The following SGCZ variants were observed in gnomAD, a reference collection of about 807,000 sequenced individuals.
SGCZ encodes the protein zeta-sarcoglycan.
A neutral mutation model predicts 41.3 loss-of-function variants in SGCZ; 40 were observed. The ratio of observed to expected loss-of-function variants is 0.97; its 90% CI spans 0.75 to 1.26. The LOEUF is 1.26. Ranked by LOEUF, SGCZ falls within the 50% of genes most tolerant of loss-of-function variation. The pLI, the probability that SGCZ is intolerant of heterozygous loss-of-function variation, is 0.00. For missense variants in SGCZ, 552 were observed against 369.8 expected (o/e 1.49, Z -4.04); for synonymous variants, 206 against 137.5 (o/e 1.50, Z -3.49).
At chr8:14,990,453 C>T (rs186740023) in intron 1 of SGCZ, among the ~76,000 whole-genome samples, 1 of 152,208 alleles carries the variant, frequency 6.6e-6, no homozygotes, top group East Asian at 1.9e-4. Flanking sequence ...TGCCTGAGCT[C>T]CACCTCCTGT....
At chr8:14,639,574 G>C (rs1167417120) in intron 1 of SGCZ, among the ~76,000 whole-genome samples, 3 of 151,588 alleles carry the variant, frequency 2.0e-5, no homozygotes, top group Admixed American at 6.6e-5. Flanking sequence ...ATATAGTCTT[G>C]GGTAATCTTG....
intron 1 of SGCZ, among the ~76,000 whole-genome samples, chr8:15,129,460 T>C (rs1411888582): frequency 6.6e-6 from 1 of 152,154 alleles, no homozygotes; most frequent in Non-Finnish European, 1.5e-5. Context: ...ACTAAAATTC[T>C]TCCAAGATGC....
intron 3 of SGCZ, among the ~76,000 whole-genome samples, chr8:14,282,537 T>C (rs1274731307): frequency 6.6e-6 from 1 of 152,136 alleles, no homozygotes; most frequent in Non-Finnish European, 1.5e-5. Flanking sequence ...CAACACCTAG[T>C]GTCTCATTTA....
At chr8:14,382,437 A>G (rs1804403083) in intron 2 of SGCZ, among the ~76,000 whole-genome samples, 1 of 152,032 alleles carries the variant, frequency 6.6e-6, no homozygotes, top group Non-Finnish European at 1.5e-5. Context: ...ACACAATACC[A>G]TATCACAGAA....
intron 1 of SGCZ, among the ~76,000 whole-genome samples, chr8:14,819,970 G>A (rs1240410338): frequency 1.3e-5 from 2 of 151,882 alleles, no homozygotes; most frequent in Admixed American, 6.6e-5. Context: ...ACCTATAAAA[G>A]AACCAGGAAA....
At chr8:14,155,605 T>C (rs771115716) in intron 5 of SGCZ, among the ~76,000 whole-genome samples, 7 of 151,932 alleles carry the variant, frequency 4.6e-5, no homozygotes, top group Non-Finnish European at 7.4e-5. Context: ...ACATTTTTAG[T>C]TGGCATTCTA....
At chr8:15,184,047 T>A (rs531387761) in intron 1 of SGCZ, among the ~76,000 whole-genome samples, 2 of 152,328 alleles carry the variant, frequency 1.3e-5, no homozygotes, top group African/African-American at 4.8e-5. Flanking sequence ...TTTATAGTGC[T>A]GAAATAATAT....
intron 1 of SGCZ, among the ~76,000 whole-genome samples, chr8:14,964,491 G>C (rs146028878): frequency 6.6e-6 from 1 of 152,160 alleles, no homozygotes; most frequent in East Asian, 1.9e-4. Flanking sequence ...CAAAAAGATT[G>C]TGATTTGCAT....
intron 1 of SGCZ, among the ~76,000 whole-genome samples, chr8:15,120,694 G>A (rs977967739): frequency 7.2e-5 from 11 of 151,864 alleles, no homozygotes; most frequent in African/African-American, 9.7e-5. Context: ...TCAGCCCATC[G>A]CCCCTGCTTT....
At chr8:14,769,793 T>TAAAAAAAAA (rs565416806) in intron 1 of SGCZ, among the ~76,000 whole-genome samples, 900 of 51,998 alleles carry the variant, frequency 0.017, 56 homozygotes, top group African/African-American at 0.082. Flanking sequence ...AAAACACCAT[T>TAAAAAAAAA]AAAAAAAAAA....
intron 2 of SGCZ, among the ~76,000 whole-genome samples, chr8:14,458,756 A>G (rs1206858673): frequency 6.6e-6 from 1 of 152,140 alleles, no homozygotes; most frequent in African/African-American, 2.4e-5. Context: ...TGTCTGCTAA[A>G]AGGGCCTAGT....
intron 1 of SGCZ, among the ~76,000 whole-genome samples, chr8:15,028,995 C>A (rs1327707326): frequency 6.6e-6 from 1 of 151,994 alleles, no homozygotes. Context: ...TACTGATGAA[C>A]TAAAAGTCAC....
intron 1 of SGCZ, among the ~76,000 whole-genome samples, chr8:14,801,771 A>C (rs1433241820): frequency 3.3e-5 from 5 of 152,206 alleles, no homozygotes; most frequent in African/African-American, 1.2e-4. Flanking sequence ...ACTGACAAAA[A>C]ATCAAAATGT....
intron 1 of SGCZ, among the ~76,000 whole-genome samples, chr8:14,632,741 A>G (rs1463182235): frequency 6.6e-6 from 1 of 152,076 alleles, no homozygotes; most frequent in African/African-American, 2.4e-5. Flanking sequence ...TGCTTTTAAA[A>G]TCCAATATTC....
Position 14,804,729 on chromosome 8 carries a change from C to T in SGCZ, c.40-249803G>A, listed in dbSNP as rs1323761707. Among the ~76,000 whole-genome samples the T allele has an allele frequency of 6.4e-5, 7 of 110,022 alleles. 1 individual carries two copies. Among genetic ancestry groups the T allele is most frequent in the African/African-American group, 1.3e-4 (4 of 31,648 alleles). 72.2% of individuals were successfully genotyped at this position (110,022 alleles called of 152,430 possible). On this transcript the variant is annotated intron_variant, in intron 1 of 7. Transcript: ENST00000382080. ...GTTCAGATGCAGGAAATACAGAGAA[C>T]GCCACAAAGATACTCCTCGAGAAGA...
rs1342134075 is a variant in SGCZ, at chr8:14,085,204, T to C, written c.*5239A>G. 6.6e-6 allele frequency among the ~76,000 whole-genome samples: 1 copy of C among 151,822 alleles called. No individual in the cohort carries two copies. The highest frequency in any genetic ancestry group is 6.6e-5 in the Admixed American group (1 of 15,210). On this transcript the variant is annotated 3_prime_UTR_variant, in exon 8 of 8. Coordinates refer to ENST00000382080, the MANE Select transcript of SGCZ (RefSeq NM_139167.4). ...AGCACAGCTTTTGTAATTTTGGTAA[T>C]ATTGCAATTTTACAAACATGTTGCA...
chr8:14,499,093 G>C (rs1366710544), intron 2 of SGCZ, among the ~76,000 whole-genome samples: 1 of 151,478 alleles, frequency 6.6e-6, no homozygotes, highest in African/African-American at 2.4e-5. Context: ...TATTTTAGTT[G>C]ATCATTCATA....
At chr8:14,237,072 C>G (rs1390301926) in intron 4 of SGCZ, among the ~76,000 whole-genome samples, 1 of 151,890 alleles carries the variant, frequency 6.6e-6, no homozygotes, top group Non-Finnish European at 1.5e-5. Context: ...AATATTTCCC[C>G]TAGAAAAGGG....
chr8:14,360,010 T>C (rs980623078), intron 2 of SGCZ, among the ~76,000 whole-genome samples: 4 of 152,058 alleles, frequency 2.6e-5, no homozygotes, highest in African/African-American at 9.7e-5. Flanking sequence ...AGGATAAAAT[T>C]TATATAGTCA....
Sources: gnomAD v4.1 joint callset for allele counts (sites outside exome capture counted in the v4.1 genomes callset) on GRCh38, gnomAD v4.1.1 for gene constraint, MANE v1.5 for transcripts, NCBI Gene and HGNC (gene_info 2026-07-23, HGNC 2026-07-21) for gene names.